Variants in PCDH9 observed in about 807,000 individuals in gnomAD.
PCDH9 encodes the protein protocadherin-9.
PCDH9 carries 24 observed loss-of-function variants against 70.6 expected under a neutral mutation model. The ratio of observed to expected loss-of-function variants is 0.34; its 90% confidence interval spans 0.25 to 0.48. The LOEUF is 0.48. Among genes scored for constraint, PCDH9 ranks in the 20% least tolerant of loss-of-function variants. PCDH9 has a pLI of 0.99. For synonymous variants in PCDH9, 562 were observed against 558.5 expected, an observed-to-expected ratio of 1.01 and a Z score of -0.09; for missense variants, 1,281 against 1,503.6, an observed-to-expected ratio of 0.85 and a Z score of 2.45.
chr13:66,786,971 A>G (rs2080089953), intron 3 of PCDH9, among the ~76,000 whole-genome samples: 1 of 152,226 alleles, frequency 6.6e-6, no homozygotes, highest in Non-Finnish European at 1.5e-5. Flanking sequence ...TACGTATGAT[A>G]GTGACAGATT....
chr13:66,882,822 C>A (rs2081943588), intron 3 of PCDH9, among the ~76,000 whole-genome samples: 2 of 152,222 alleles, frequency 1.3e-5, no homozygotes, highest in Non-Finnish European at 2.9e-5. Flanking sequence ...CTGTCATCCA[C>A]AAAATACCTC....
intron 3 of PCDH9, among the ~76,000 whole-genome samples, chr13:66,854,885 T>G (rs934346245): frequency 6.6e-6 from 1 of 152,118 alleles, no homozygotes; most frequent in African/African-American, 2.4e-5. Context: ...CTGTATTGAT[T>G]GATATATGGA....
At chr13:66,751,526 T>C (rs1219022233) in intron 3 of PCDH9, among the ~76,000 whole-genome samples, 5 of 152,160 alleles carry the variant, frequency 3.3e-5, no homozygotes, top group African/African-American at 1.2e-4. Flanking sequence ...ACCCAAAACA[T>C]ATAATTTGTT....
chr13:67,108,159 G>A lies in PCDH9; in HGVS notation c.3036+117246C>T, dbSNP rs2086585029. ...CTTGGCAGCTGTGGAATCTGGGCTG[G>A]TAACGCAAGCTGAGCACAGCCTGCC... is the stretch of plus-strand genomic sequence containing the variant. On this transcript the variant is annotated intron_variant, in intron 2 of 4. Coordinates refer to ENST00000377865, the MANE Select transcript of PCDH9 (RefSeq NM_203487.3). Among the ~76,000 whole-genome samples, 5 of 152,282 alleles carry A rather than the reference G, an allele frequency of 3.3e-5. No individual in the cohort carries two copies. The South Asian group carries it at 8.3e-4, about 25-fold the overall frequency.
intron 2 of PCDH9, among the ~76,000 whole-genome samples, chr13:67,172,043 G>GAA (rs1566472796): frequency 6.6e-6 from 1 of 152,214 alleles, no homozygotes; most frequent in Non-Finnish European, 1.5e-5. Context: ...CACATCGGAT[G>GAA]AAACTTTTGA....
chr13:66,703,577 A>G (rs1449575618), intron 3 of PCDH9, among the ~76,000 whole-genome samples: 1 of 152,160 alleles, frequency 6.6e-6, no homozygotes, highest in Non-Finnish European at 1.5e-5. Context: ...TTCAGATTTA[A>G]TGGACAGATA....
At position 66,858,735 on chromosome 13, in the gene PCDH9, C is replaced by T. The variant is rs144264257; in HGVS notation, c.3138+44769G>A. ...CCTAGAAATTTCTATTTTATTGATA[C>T]GAATTTAATAATAAATTAATTGTAA... On this transcript the variant is annotated intron_variant, in intron 3 of 4. Coordinates refer to ENST00000377865, the MANE Select transcript of PCDH9 (RefSeq NM_203487.3). Among the ~76,000 whole-genome samples, 598 of 152,126 alleles carry T rather than the reference C, an allele frequency of 3.9e-3. 16 individuals carry two copies. The highest frequency in any genetic ancestry group is 2.5e-3 in the East Asian group (13 of 5,170).
At chr13:66,395,486 A>G (rs1324719254) in intron 4 of PCDH9, among the ~76,000 whole-genome samples, 1 of 152,034 alleles carries the variant, frequency 6.6e-6, no homozygotes, top group Non-Finnish European at 1.5e-5. Context: ...CTGTAATCCT[A>G]GCTACTCGGG....
intron 2 of PCDH9, among the ~76,000 whole-genome samples, chr13:66,939,328 C>T (rs2082968977): frequency 6.6e-6 from 1 of 151,846 alleles, no homozygotes; most frequent in African/African-American, 2.4e-5. Flanking sequence ...TGTATGTGTT[C>T]TGAACATGTG....
At chr13:67,004,362 G>T (rs980246006) in intron 2 of PCDH9, among the ~76,000 whole-genome samples, 2 of 151,894 alleles carry the variant, frequency 1.3e-5, no homozygotes, top group Admixed American at 1.3e-4. Context: ...CCTGAGGTCA[G>T]GAGTTCGAGA....
intron 2 of PCDH9, among the ~76,000 whole-genome samples, chr13:66,913,159 G>A (rs186507581): frequency 2.6e-5 from 4 of 152,034 alleles, no homozygotes; most frequent in Non-Finnish European, 4.4e-5. Context: ...AAAGTTCAGT[G>A]GTTTACTATG....
intron 3 of PCDH9, among the ~76,000 whole-genome samples, chr13:66,871,413 TA>T (rs1366330973): frequency 7.3e-6 from 1 of 136,492 alleles, no homozygotes; most frequent in East Asian, 2.2e-4. Flanking sequence ...AAAATAAAAA[TA>T]AAAAATAAAT....
At chr13:66,344,144 G>GT (rs565223127) in intron 4 of PCDH9, among the ~76,000 whole-genome samples, 74 of 151,934 alleles carry the variant, frequency 4.9e-4, no homozygotes, top group Non-Finnish European at 7.7e-4. Flanking sequence ...GGTTTTTTTT[G>GT]TTTTTGTTTG....
At chr13:66,706,910 G>A (rs2078719051) in intron 3 of PCDH9, among the ~76,000 whole-genome samples, 1 of 152,214 alleles carries the variant, frequency 6.6e-6, no homozygotes, top group Non-Finnish European at 1.5e-5. Context: ...TTTCCAGGCT[G>A]AGTGGGCATC....
At chr13:66,503,126 T>G (rs182159180) in intron 4 of PCDH9, among the ~76,000 whole-genome samples, 41 of 152,318 alleles carry the variant, frequency 2.7e-4, no homozygotes, top group Admixed American at 8.5e-4. Flanking sequence ...CAAACATGCT[T>G]ATTATCTACA....
intron 2 of PCDH9, among the ~76,000 whole-genome samples, chr13:66,905,341 A>C (rs1438401617): frequency 1.3e-5 from 2 of 152,100 alleles, no homozygotes; most frequent in Non-Finnish European, 2.9e-5. Context: ...TTTTTCTCCT[A>C]AGAAACATTT....
intron 4 of PCDH9, among the ~76,000 whole-genome samples, chr13:66,395,619 T>TAAATA (rs377342653): frequency 0.016 from 2,354 of 151,380 alleles, 26 homozygotes; most frequent in East Asian, 0.05. Context: ...AATAAATAAA[T>TAAATA]AAATAAAATA....
chr13:67,170,728 C>G (rs1415681850), intron 2 of PCDH9, among the ~76,000 whole-genome samples: 2 of 152,082 alleles, frequency 1.3e-5, no homozygotes, highest in Admixed American at 6.5e-5. Flanking sequence ...ACTTCAAGAC[C>G]AGCCTAGGCA....
intron 3 of PCDH9, among the ~76,000 whole-genome samples, chr13:66,895,271 G>A (rs998026966): frequency 7.2e-5 from 11 of 152,084 alleles, no homozygotes; most frequent in Admixed American, 7.2e-4. Flanking sequence ...CAGTTTATGT[G>A]GATAGTAGTT....
Sources: allele counts gnomAD v4.1 joint callset (sites outside exome capture counted in the v4.1 genomes callset), GRCh38; gene constraint gnomAD v4.1.1; transcripts MANE v1.5; gene names NCBI Gene and HGNC (gene_info 2026-07-23, HGNC 2026-07-21).